The following ZRSR2 variants were observed in gnomAD, a reference collection of about 807,000 sequenced individuals.
ZRSR2 encodes the protein zinc finger CCCH-type, RNA binding motif and serine/arginine rich 2.
ZRSR2 carries 3 observed loss-of-function variants against 39.4 expected under a neutral mutation model. The ratio of observed to expected loss-of-function variants is 0.08; its 90% CI spans 0.03 to 0.20. The LOEUF is 0.20. Among genes scored for constraint, ZRSR2 ranks in the 10% least tolerant of loss-of-function variants. The probability of loss-of-function intolerance (pLI) is 1.00; values close to 1 mark genes in which losing one functional copy is unlikely to be tolerated. For missense variants in ZRSR2, 256 were observed against 391.5 expected (o/e 0.65, Z 2.92); for synonymous variants, 137 against 136.0 (o/e 1.01, Z -0.05).
At chrX:15,811,759 G>A (rs1215686280) in intron 7 of ZRSR2, among the ~76,000 whole-genome samples, 1 of 111,137 alleles carries the variant, frequency 9.0e-6, no homozygotes, top group Non-Finnish European at 1.9e-5. Flanking sequence ...AGTGAGAGGA[G>A]GGGAGATGTC....
At position 15,815,919 on chromosome X, in the gene ZRSR2, G is replaced by T. The variant is rs112251526; in HGVS notation, c.771+29G>T. 3.7e-3 allele frequency: 4,210 copies of T among 1,152,263 alleles called. 76 individuals carry two copies. The African/African-American group carries it at 0.064, about 17-fold the overall frequency. The allele number at this position is 1,152,263 out of a possible 1,213,427, so 95.0% of individuals were successfully genotyped here. A position where few individuals can be genotyped will look rare whatever the true frequency, so the allele number is the denominator to read the frequency against. On this transcript the variant is annotated intron_variant, in intron 8 of 10. Coordinates refer to ENST00000307771, the MANE Select transcript of ZRSR2 (RefSeq NM_005089.4). Reference sequence around the variant, plus strand: ...GGCATGCGTGTGGAGGAGGGGACTGGTTTGCTTCACCCTGCAGTACTTAAT... The same window carrying T: ...GGCATGCGTGTGGAGGAGGGGACTGTTTTGCTTCACCCTGCAGTACTTAAT...
In ZRSR2 at chrX:15,818,637, C is replaced by T. The variant is rs771814635; in HGVS notation, c.822C>T (p.Tyr274=). 1 of 1,200,730 alleles carries T rather than the reference C, an allele frequency of 8.3e-7. No homozygotes were observed. The highest frequency in any genetic ancestry group is 3.0e-5 in the East Asian group (1 of 33,217). The change falls in exon 9 of 11, where the codon TAC becomes TAT. Residue 274 remains tyrosine, a synonymous_variant. Coordinates refer to ENST00000307771, the MANE Select transcript of ZRSR2 (RefSeq NM_005089.4). ...PHLRGNVYVQ[Y]QSEEECQAAL... Reference sequence around the variant, plus strand: ...TGAGGGGCAATGTATATGTTCAGTACCAGTCGTAAGTATTCTGCTTGTGGA... The same window carrying T: ...TGAGGGGCAATGTATATGTTCAGTATCAGTCGTAAGTATTCTGCTTGTGGA...
chrX:15,821,223 C>T (rs750499970), intron 10 of ZRSR2, among the ~76,000 whole-genome samples: 5 of 110,484 alleles, frequency 4.5e-5, no homozygotes, highest in Admixed American at 1.9e-4. Flanking sequence ...TGGAATTGTT[C>T]GCTCCATAAA....
At chrX:15,813,968 A>G (rs1387569744) in intron 7 of ZRSR2, among the ~76,000 whole-genome samples, 1 of 110,447 alleles carries the variant, frequency 9.1e-6, no homozygotes, top group Non-Finnish European at 1.9e-5. Context: ...CAGACATGGA[A>G]AGTGAGTATT....
intron 3 of ZRSR2, among the ~76,000 whole-genome samples, chrX:15,800,507 G>GA (rs1056765356): frequency 6.4e-5 from 7 of 108,734 alleles, no homozygotes; most frequent in African/African-American, 1.0e-4. Flanking sequence ...TTTGAAAACA[G>GA]AAAAAAAACA....
chrX:15,811,103 A>G (rs1435471766), intron 7 of ZRSR2, among the ~76,000 whole-genome samples: 2 of 109,902 alleles, frequency 1.8e-5, no homozygotes, highest in East Asian at 5.7e-4. Context: ...TAACTAGTAG[A>G]AAGCCTCCTC....
chrX:15,796,241 C>G (rs1025673942), intron 2 of ZRSR2, among the ~76,000 whole-genome samples: 18 of 111,852 alleles, frequency 1.6e-4, no homozygotes, highest in Non-Finnish European at 5.6e-5. Context: ...CATCGCTAGT[C>G]GCACTTTGTG....
intron 10 of ZRSR2, among the ~76,000 whole-genome samples, chrX:15,821,393 T>G (rs1383335768): frequency 9.0e-6 from 1 of 110,989 alleles, no homozygotes; most frequent in Admixed American, 9.6e-5. Flanking sequence ...TTTTCATTAT[T>G]GGCCATTTGT....
intron 2 of ZRSR2, among the ~76,000 whole-genome samples, chrX:15,797,503 C>T (rs1318728334): frequency 8.9e-6 from 1 of 112,293 alleles, no homozygotes; most frequent in Non-Finnish European, 1.9e-5. Context: ...AGCCACCACG[C>T]CCAGCTCTGC....
In ZRSR2 at chrX:15,823,020, A is replaced by G. The variant is rs1223490977; in HGVS notation, c.1227A>G (p.Lys409=). ...GTCACAGGGGGAAGAAATCTCACAA[A>G]CGCACATCAAAGAGTCGGGAGAGGC... is the stretch of plus-strand genomic sequence containing the variant. The part of the protein sequence containing the change: ...SSRHRGKKSH[K]RTSKSRERHN... The change falls in exon 11 of 11, where the codon AAA becomes AAG. Residue 409 remains lysine, a synonymous_variant. Coordinates refer to ENST00000307771, the MANE Select transcript of ZRSR2 (RefSeq NM_005089.4). The G allele has an allele frequency of 8.3e-7, 1 of 1,210,643 alleles. No homozygotes were observed. The highest frequency in any genetic ancestry group is 1.7e-5 in the African/African-American group (1 of 57,315).
chrX:15,816,537 A>G lies in ZRSR2; in HGVS notation c.771+647A>G, dbSNP rs1372703991. ...TTGGTGAAAAAGGCATTCAGATGAC[A>G]CATAATTATTTTAAAATATTCCTTA... On this transcript the variant is annotated intron_variant, in intron 8 of 10. Coordinates refer to ENST00000307771, the MANE Select transcript of ZRSR2 (RefSeq NM_005089.4). Among the ~76,000 whole-genome samples the G allele has an allele frequency of 4.5e-5, 5 of 112,151 alleles. No homozygotes were observed. In the South Asian group the frequency reaches 1.8e-3, roughly 41 times the overall value.
At chrX:15,811,368 A>G (rs1409804744) in intron 7 of ZRSR2, among the ~76,000 whole-genome samples, 5 of 111,119 alleles carry the variant, frequency 4.5e-5, no homozygotes, top group African/African-American at 9.8e-5. Context: ...TGTAGGATCT[A>G]TCTCTAACAT....
intron 2 of ZRSR2, among the ~76,000 whole-genome samples, chrX:15,794,621 A>C (rs916339395): frequency 9.0e-6 from 1 of 111,627 alleles, no homozygotes; most frequent in Admixed American, 9.6e-5. Context: ...GAGTAGGCCG[A>C]GGAGGAAGAG....
At position 15,816,032 on chromosome X, in the gene ZRSR2, C is replaced by T. The variant is rs771488793; in HGVS notation, c.771+142C>T. On this transcript the variant is annotated intron_variant, in intron 8 of 10. Coordinates refer to ENST00000307771, the MANE Select transcript of ZRSR2 (RefSeq NM_005089.4). ...GACTTCCCTCTTTCTCTCTTTCCACCCCCTACCTTGTTGCCAATGTCACGT... is the reference window on the plus strand; with the variant it reads ...GACTTCCCTCTTTCTCTCTTTCCACTCCCTACCTTGTTGCCAATGTCACGT... 9.8e-6 allele frequency: 4 copies of T among 406,707 alleles called. No individual in the cohort carries two copies. In the East Asian group the frequency reaches 1.6e-4, roughly 17 times the overall value. 33.5% of individuals were successfully genotyped at this position (406,707 alleles called of 1,213,427 possible).
chrX:15,817,992 G>A (rs1254081750), intron 8 of ZRSR2, among the ~76,000 whole-genome samples: 1 of 112,462 alleles, frequency 8.9e-6, no homozygotes, highest in East Asian at 2.8e-4. Context: ...CTTTGCATAT[G>A]TATATATATG....
intron 8 of ZRSR2, among the ~76,000 whole-genome samples, chrX:15,816,334 G>A (rs1042925840): frequency 8.0e-5 from 9 of 111,838 alleles, no homozygotes; most frequent in Non-Finnish European, 1.9e-5. Flanking sequence ...GCATTGTGTT[G>A]ACAGTGCCGA....
rs757257848 is a variant in ZRSR2 at position 15,815,540 on chromosome X, C to T, written c.558-137C>T. ...CAGGCTGGTCTCGAACTCTGGACCT[C>T]AGGTGATTCACCCGCCTCGGCCTCC... On this transcript the variant is annotated intron_variant, in intron 7 of 10. Transcript: ENST00000307771. 4.1e-4 allele frequency: 200 copies of T among 492,029 alleles called. No homozygotes were observed. The South Asian group carries it at 4.5e-3, about 11-fold the overall frequency. The allele number at this position is 492,029 out of a possible 1,213,427, so 40.5% of individuals were successfully genotyped here. A position where few individuals can be genotyped will look rare whatever the true frequency, so the allele number is the denominator to read the frequency against.
At chrX:15,814,549 A>C (rs1932933694) in intron 7 of ZRSR2, among the ~76,000 whole-genome samples, 1 of 112,300 alleles carries the variant, frequency 8.9e-6, no homozygotes, top group African/African-American at 3.2e-5. Flanking sequence ...GGATCACTTG[A>C]GCCCGGGGAA....
At chrX:15,810,872 T>G in intron 7 of ZRSR2, among the ~76,000 whole-genome samples, 1 of 99,763 alleles carries the variant, frequency 1.0e-5, no homozygotes, top group African/African-American at 4.1e-5. Flanking sequence ...AAAAGTAAAA[T>G]AAATAAATAA....
Sources: allele counts gnomAD v4.1 joint callset (sites outside exome capture counted in the v4.1 genomes callset), GRCh38; gene constraint gnomAD v4.1.1; transcripts MANE v1.5; gene names NCBI Gene and HGNC (gene_info 2026-07-23, HGNC 2026-07-21).